GAS2: variants seen among roughly 807,000 people sequenced by gnomAD.
The protein encoded by GAS2 is growth arrest specific 2, also known as growth arrest-specific protein 2.
GAS2 carries 20 observed loss-of-function variants against 37.5 expected under a neutral mutation model. That is an observed-to-expected ratio of 0.53 (90% CI 0.37 to 0.77). The LOEUF (loss-of-function observed/expected upper bound fraction) is 0.77. Among genes scored for constraint, GAS2 ranks in the 30% least tolerant of loss-of-function variants. The probability of loss-of-function intolerance (pLI) is 0.00; values close to 1 mark genes in which losing one functional copy is unlikely to be tolerated. For missense variants in GAS2, 336 were observed against 373.4 expected, an observed-to-expected ratio of 0.90 and a Z score of 0.82; for synonymous variants, 144 against 132.2, an observed-to-expected ratio of 1.09 and a Z score of -0.61.
intron 3 of GAS2, among the ~76,000 whole-genome samples, chr11:22,697,536 G>A (rs1431031281): frequency 6.6e-6 from 1 of 152,206 alleles, no homozygotes; most frequent in Non-Finnish European, 1.5e-5. Flanking sequence ...ACCTTGGGCA[G>A]TATGACCATT....
intron 1 of GAS2, among the ~76,000 whole-genome samples, chr11:22,633,343 T>C (rs138810345): frequency 1.3e-5 from 2 of 152,348 alleles, no homozygotes; most frequent in Non-Finnish European, 2.9e-5. Flanking sequence ...GAAACATCTG[T>C]ATGAACTCCT....
chr11:22,783,325 A>G (rs1475024795), intron 7 of GAS2, among the ~76,000 whole-genome samples: 1 of 152,048 alleles, frequency 6.6e-6, no homozygotes, highest in Non-Finnish European at 1.5e-5. Flanking sequence ...TAAGTTCTTT[A>G]TAGATTCTGG....
At chr11:22,771,774 G>A (rs1854993010) in intron 7 of GAS2, among the ~76,000 whole-genome samples, 1 of 152,084 alleles carries the variant, frequency 6.6e-6, no homozygotes, top group Non-Finnish European at 1.5e-5. Context: ...ATTTCTAAAA[G>A]AGCACAGTTA....
chr11:22,693,057 G>A (rs1295804125), intron 3 of GAS2, among the ~76,000 whole-genome samples: 4 of 151,922 alleles, frequency 2.6e-5, no homozygotes, highest in East Asian at 3.9e-4. Flanking sequence ...TTATGAAACC[G>A]TCTGGTTTCC....
chr11:22,743,700 G>A (rs1853220214), intron 5 of GAS2, among the ~76,000 whole-genome samples: 1 of 151,914 alleles, frequency 6.6e-6, no homozygotes, highest in Non-Finnish European at 1.5e-5. Flanking sequence ...TCGAAGTTAA[G>A]TGATTTGTGA....
chr11:22,776,922 A>G (rs1855289054), intron 7 of GAS2, among the ~76,000 whole-genome samples: 1 of 152,176 alleles, frequency 6.6e-6, no homozygotes, highest in Admixed American at 6.5e-5. Flanking sequence ...CTGGCCTCTC[A>G]GCTTGGCATT....
chr11:22,725,619 A>G (rs1255182885), intron 3 of GAS2, among the ~76,000 whole-genome samples: 4 of 151,988 alleles, frequency 2.6e-5, no homozygotes, highest in Non-Finnish European at 5.9e-5. Context: ...TAGAGATAGG[A>G]TACCATTATG....
intron 2 of GAS2, among the ~76,000 whole-genome samples, chr11:22,681,423 T>G (rs1431877309): frequency 6.6e-6 from 1 of 152,216 alleles, no homozygotes; most frequent in Admixed American, 6.5e-5. Context: ...AAATTAATCA[T>G]GCGAAGATCA....
chr11:22,776,843 A>G (rs997517013), intron 7 of GAS2, among the ~76,000 whole-genome samples: 14 of 152,094 alleles, frequency 9.2e-5, no homozygotes, highest in African/African-American at 3.4e-4. Flanking sequence ...AAAATGTAAC[A>G]TTGGTTAGTG....
At chr11:22,706,827 T>C (rs1851148023) in intron 3 of GAS2, among the ~76,000 whole-genome samples, 1 of 152,108 alleles carries the variant, frequency 6.6e-6, no homozygotes, top group African/African-American at 2.4e-5. Flanking sequence ...CAGCATGATT[T>C]ATAATCCTTT....
At chr11:22,627,736 C>T (rs1054452200) in intron 1 of GAS2, among the ~76,000 whole-genome samples, 1 of 148,838 alleles carries the variant, frequency 6.7e-6, no homozygotes, top group Non-Finnish European at 1.5e-5. Context: ...GATCGGGCCA[C>T]TGCACTCCTG....
intron 1 of GAS2, among the ~76,000 whole-genome samples, chr11:22,648,958 A>T (rs1276965598): frequency 6.6e-6 from 1 of 152,040 alleles, no homozygotes; most frequent in African/African-American, 2.4e-5. Flanking sequence ...ACTATGTTGA[A>T]TAGGAGTGGT....
intron 1 of GAS2, among the ~76,000 whole-genome samples, chr11:22,647,755 C>A (rs1322824862): frequency 6.6e-6 from 1 of 152,070 alleles, no homozygotes; most frequent in African/African-American, 2.4e-5. Flanking sequence ...CCTTCGCCCA[C>A]TTTTTGATGG....
chr11:22,644,262 A>G (rs1490156279), intron 1 of GAS2, among the ~76,000 whole-genome samples: 1 of 152,152 alleles, frequency 6.6e-6, no homozygotes, highest in Non-Finnish European at 1.5e-5. Context: ...AATATCATTA[A>G]TGTCAAGGAG....
At chr11:22,719,348 C>T (rs907118691) in intron 3 of GAS2, among the ~76,000 whole-genome samples, 2 of 152,016 alleles carry the variant, frequency 1.3e-5, no homozygotes, top group Non-Finnish European at 2.9e-5. Context: ...TGGCAATCAC[C>T]GTTCTAGTCC....
intron 1 of GAS2, among the ~76,000 whole-genome samples, chr11:22,658,607 A>G (rs550622542): frequency 3.9e-5 from 6 of 152,338 alleles, no homozygotes; most frequent in African/African-American, 9.6e-5. Flanking sequence ...CCACATATCC[A>G]TCTATCAGCA....
At chr11:22,770,562 C>A (rs1325867936) in intron 7 of GAS2, among the ~76,000 whole-genome samples, 1 of 152,158 alleles carries the variant, frequency 6.6e-6, no homozygotes, top group Non-Finnish European at 1.5e-5. Flanking sequence ...AGAATTGAGA[C>A]ACAGACTTGA....
At chr11:22,757,602 T>C (rs148575639) in intron 7 of GAS2, among the ~76,000 whole-genome samples, 3 of 152,334 alleles carry the variant, frequency 2.0e-5, no homozygotes, top group African/African-American at 4.8e-5. Flanking sequence ...ATGACATGTT[T>C]TAGAATAGTG....
At position 22,795,884 on chromosome 11, in the gene GAS2, CA is replaced by C. The variant is rs559498805; in HGVS notation, c.724-15908del. Among the ~76,000 whole-genome samples, 145 of 152,152 alleles carry C rather than the reference CA, an allele frequency of 9.5e-4. 2 individuals are homozygous for C. The Middle Eastern group carries it at 0.037, about 39-fold the overall frequency. ...ACTGTTAAAATAATCTGGGTGAGAT[CA>C]AAAAATTTTGGACTAAGGAGCTAGT... On this transcript the variant is annotated intron_variant, in intron 7 of 7. Transcript: ENST00000454584.
Sources: allele counts gnomAD v4.1 joint callset (sites outside exome capture counted in the v4.1 genomes callset), GRCh38; gene constraint gnomAD v4.1.1; transcripts MANE v1.5; gene names NCBI Gene and HGNC (gene_info 2026-07-23, HGNC 2026-07-21).